Variants in EXT1 observed in about 807,000 individuals in gnomAD.
EXT1 encodes exostosin glycosyltransferase 1, also known as exostosin-1.
Under a neutral mutation model 82.5 loss-of-function variants are expected in EXT1, and 20 were observed. That is an observed-to-expected ratio of 0.24 (90% CI 0.17 to 0.35). The LOEUF is 0.35. Ranked by LOEUF, EXT1 falls within the 10% of genes least tolerant of loss-of-function variation. EXT1 has a pLI of 1.00. For synonymous variants in EXT1, 348 were observed against 350.8 expected (o/e 0.99, Z 0.09); for missense variants, 757 against 936.5 (o/e 0.81, Z 2.50).
intron 7 of EXT1, among the ~76,000 whole-genome samples, chr8:117,817,117 A>C (rs1394514347): frequency 1.3e-5 from 2 of 152,200 alleles, no homozygotes; most frequent in Non-Finnish European, 2.9e-5. Context: ...GCTCTCTAAC[A>C]AACAGGTTGT....
intron 1 of EXT1, among the ~76,000 whole-genome samples, chr8:117,976,915 G>A (rs1002668380): frequency 2.6e-5 from 4 of 152,064 alleles, no homozygotes; most frequent in Non-Finnish European, 4.4e-5. Flanking sequence ...ATGTCAGGGC[G>A]TTGGTATCCC....
intron 1 of EXT1, among the ~76,000 whole-genome samples, chr8:118,026,446 T>C (rs950950853): frequency 1.3e-5 from 2 of 152,222 alleles, no homozygotes; most frequent in African/African-American, 4.8e-5. Context: ...TTAAACATAA[T>C]GAACCTGCCT....
At chr8:118,065,720 G>A (rs897994976) in intron 1 of EXT1, among the ~76,000 whole-genome samples, 6 of 152,182 alleles carry the variant, frequency 3.9e-5, no homozygotes, top group East Asian at 1.9e-4. Flanking sequence ...AACCAAGCAC[G>A]ACCAAAAACA....
intron 1 of EXT1, among the ~76,000 whole-genome samples, chr8:118,007,093 C>G (rs1472146398): frequency 6.6e-6 from 1 of 152,090 alleles, no homozygotes; most frequent in Non-Finnish European, 1.5e-5. Flanking sequence ...GTCAGGAGAT[C>G]GAGACCATCT....
At chr8:118,004,972 A>G (rs1446131515) in intron 1 of EXT1, among the ~76,000 whole-genome samples, 1 of 152,174 alleles carries the variant, frequency 6.6e-6, no homozygotes, top group African/African-American at 2.4e-5. Flanking sequence ...TTTAGTAAAC[A>G]TGGTCTATTT....
chr8:117,924,395 A>T (rs1813916651), intron 1 of EXT1, among the ~76,000 whole-genome samples: 1 of 152,246 alleles, frequency 6.6e-6, no homozygotes, highest in African/African-American at 2.4e-5. Context: ...CAACGGGAAC[A>T]ATGCTAAATG....
At chr8:118,022,326 C>CTTTCTTTTTT (rs1816120049) in intron 1 of EXT1, among the ~76,000 whole-genome samples, 2 of 46,176 alleles carry the variant, frequency 4.3e-5, no homozygotes, top group Non-Finnish European at 8.2e-5. Context: ...CATATATATT[C>CTTTCTTTTTT]TTTTTTTTTT....
chr8:117,927,580 C>T (rs184688334), intron 1 of EXT1, among the ~76,000 whole-genome samples: 65 of 125,298 alleles, frequency 5.2e-4, no homozygotes, highest in African/African-American at 1.6e-3. Context: ...AAGATGGGCA[C>T]AGGGGTACTG....
intron 1 of EXT1, among the ~76,000 whole-genome samples, chr8:117,964,587 G>T (rs1459094520): frequency 1.3e-5 from 2 of 150,796 alleles, no homozygotes; most frequent in South Asian, 4.2e-4. Flanking sequence ...TTCACAGAAA[G>T]AGAAATTTTT....
At chr8:117,853,878 G>A (rs112963661) in intron 1 of EXT1, among the ~76,000 whole-genome samples, 3 of 152,228 alleles carry the variant, frequency 2.0e-5, no homozygotes, top group East Asian at 1.9e-4. Flanking sequence ...GCATCTCTAC[G>A]AAGAAGGAAA....
chr8:118,015,270 C>T (rs1010308882), intron 1 of EXT1, among the ~76,000 whole-genome samples: 2 of 152,170 alleles, frequency 1.3e-5, no homozygotes, highest in African/African-American at 4.8e-5. Context: ...ATTTAGAATC[C>T]ATGTTTGTCA....
intron 1 of EXT1, among the ~76,000 whole-genome samples, chr8:117,994,955 TAATA>T (rs1278759178): frequency 6.6e-5 from 10 of 152,144 alleles, no homozygotes; most frequent in Non-Finnish European, 7.3e-5. Context: ...AGTGCAGCAT[TAATA>T]AATAGTCACA....
chr8:118,006,445 G>A lies in EXT1; in HGVS notation c.962+103640C>T, dbSNP rs1461455694. Among the ~76,000 whole-genome samples, 4 of 152,100 alleles carry A rather than the reference G, an allele frequency of 2.6e-5. 1 individual carries two copies. The highest frequency in any genetic ancestry group is 5.9e-5 in the Non-Finnish European group (4 of 68,010). ...AATATGAGCTCTGCCCTTTTAGAAC[G>A]TAACTTTCCTTTTTCAGAGCTGAAC... is the stretch of plus-strand genomic sequence containing the variant. On this transcript the variant is annotated intron_variant, in intron 1 of 10. Transcript: ENST00000378204.
intron 1 of EXT1, among the ~76,000 whole-genome samples, chr8:118,006,458 T>C (rs1192434480): frequency 6.6e-6 from 1 of 152,162 alleles, no homozygotes; most frequent in Non-Finnish European, 1.5e-5. Flanking sequence ...ACTTTCCTTT[T>C]TCAGAGCTGA....
intron 1 of EXT1, among the ~76,000 whole-genome samples, chr8:117,991,239 T>C (rs1292574795): frequency 1.3e-5 from 2 of 152,026 alleles, no homozygotes; most frequent in Non-Finnish European, 1.5e-5. Flanking sequence ...GCCTCCCAAG[T>C]AGCTGGGACT....
intron 10 of EXT1, 70 bp downstream of exon 10, chr8:117,804,652 G>T (rs536707685): frequency 6.4e-7 from 1 of 1,550,894 alleles, no homozygotes; most frequent in Non-Finnish European, 8.9e-7. Flanking sequence ...CTAGAGGAAC[G>T]TGAGTCCTCA....
chr8:118,073,337 C>G (rs1382501453), intron 1 of EXT1, among the ~76,000 whole-genome samples: 2 of 152,292 alleles, frequency 1.3e-5, no homozygotes, highest in East Asian at 3.9e-4. Flanking sequence ...TAGATGAGCT[C>G]TGGCAGGGTG....
chr8:118,043,843 G>A (rs1056695165), intron 1 of EXT1, among the ~76,000 whole-genome samples: 1 of 152,130 alleles, frequency 6.6e-6, no homozygotes, highest in Non-Finnish European at 1.5e-5. Flanking sequence ...CCAAAAAACA[G>A]GTAAAAGTCC....
chr8:118,025,057 G>C (rs1816178465), intron 1 of EXT1, among the ~76,000 whole-genome samples: 1 of 152,200 alleles, frequency 6.6e-6, no homozygotes, highest in Admixed American at 6.5e-5. Context: ...TGCAGATAGT[G>C]GTTGCTTCTG....
Sources: gnomAD v4.1 joint callset for allele counts (sites outside exome capture counted in the v4.1 genomes callset) on GRCh38, gnomAD v4.1.1 for gene constraint, MANE v1.5 for transcripts, NCBI Gene and HGNC (gene_info 2026-07-23, HGNC 2026-07-21) for gene names.